The following ERMP1 variants were observed in gnomAD, a reference collection of about 807,000 sequenced individuals.
ERMP1 encodes the protein endoplasmic reticulum metallopeptidase 1, also known as Felix-ina.
Under a neutral mutation model 92.0 loss-of-function variants are expected in ERMP1, and 86 were observed. The ratio of observed to expected loss-of-function variants is 0.93; its 90% CI spans 0.79 to 1.12. The LOEUF (loss-of-function observed/expected upper bound fraction) is 1.12. Among genes scored for constraint, ERMP1 ranks in the 50% most tolerant of loss-of-function variants. ERMP1 has a pLI of 0.00. For missense variants in ERMP1, 1,342 were observed against 1,116.3 expected, an observed-to-expected ratio of 1.20 and a Z score of -2.88; for synonymous variants, 530 against 412.8, an observed-to-expected ratio of 1.28 and a Z score of -3.44.
chr9:5,835,965 G>C (rs1272515194), upstream of ERMP1, among the ~76,000 whole-genome samples: 1 of 152,226 alleles, frequency 6.6e-6, no homozygotes, highest in African/African-American at 2.4e-5. Context: ...ATGAGGAACA[G>C]ATAAATGTGA....
At chr9:5,822,329 C>G (rs1366550279) in intron 4 of ERMP1, among the ~76,000 whole-genome samples, 3 of 152,028 alleles carry the variant, frequency 2.0e-5, no homozygotes, top group Non-Finnish European at 4.4e-5. Flanking sequence ...ATATTAGATC[C>G]CAGCTTCTTC....
intron 6 of ERMP1, chr9:5,855,905 G>T (rs141934845): frequency 4.9e-6 from 1 of 204,848 alleles, no homozygotes; most frequent in South Asian, 8.9e-5. Context: ...ATAATTAAAT[G>T]ACTGGCTTTG....
intron 7 of ERMP1, 77 bp from the exon 8 acceptor site, chr9:5,810,308 G>A (rs1435581063): frequency 1.9e-6 from 2 of 1,061,766 alleles, no homozygotes; most frequent in African/African-American, 3.2e-5. Context: ...AGAGCTAAAT[G>A]GGCAAACATT....
At chr9:5,798,742 A>G in intron 12 of ERMP1, 64 bp downstream of exon 12, 1 of 980,678 alleles carries the variant, frequency 1.0e-6, no homozygotes. Flanking sequence ...AAATGATAAG[A>G]GTACTGATAT....
chr9:5,836,338 A>T (rs998896725), upstream of ERMP1, among the ~76,000 whole-genome samples: 7 of 152,214 alleles, frequency 4.6e-5, no homozygotes, highest in Admixed American at 2.0e-4. Context: ...GGCTCAGGCT[A>T]GCAGAAGGAT....
In ERMP1 at chr9:5,786,398, A is replaced by C. The variant is rs895330456; in HGVS notation, c.*746T>G. On this transcript the variant is annotated 3_prime_UTR_variant, in exon 15 of 15. Transcript: ENST00000339450. Reference sequence around the variant, plus strand: ...CGAAAACCAGAGGGGTATGTGGCCAAATATTCCCCTTTTCAACTTGGTAAG... The same window carrying C: ...CGAAAACCAGAGGGGTATGTGGCCACATATTCCCCTTTTCAACTTGGTAAG... 4 of 152,372 alleles carry C rather than the reference A, an allele frequency of 2.6e-5. No individual in the cohort carries two copies. Among genetic ancestry groups the C allele is most frequent in the African/African-American group, 9.6e-5 (4 of 41,572 alleles). The allele number at this position is 152,372 out of a possible 1,614,324, so 9.4% of individuals were successfully genotyped here.
In ERMP1 at chr9:5,787,571, A is replaced by C. The variant is rs749621216; in HGVS notation, c.2409T>G (p.Tyr803Ter). 6 of 1,613,622 alleles carry C rather than the reference A, an allele frequency of 3.7e-6. No homozygotes were observed. Among genetic ancestry groups the C allele is most frequent in the Non-Finnish European group, 4.2e-6 (5 of 1,179,792 alleles). ...GTGTTGACCCTTTGTGGGCTCGAACATAGAAGGACATATGGCTTGGTCCTG... is the reference window on the plus strand; with the variant it reads ...GTGTTGACCCTTTGTGGGCTCGAACCTAGAAGGACATATGGCTTGGTCCTG... ...EATGPSHMSF[Y>*]VRAHKGSTLS... Residue 803 changes from tyrosine to a stop codon, truncating the protein, a stop_gained, in exon 14 of 15, where the codon TAT (tyrosine) becomes TAG (stop). Coordinates refer to ENST00000339450, the MANE Select transcript of ERMP1 (RefSeq NM_024896.3). LOFTEE classifies it high-confidence loss of function.
chr9:5,801,399 CTTTATT>C, intron 10 of ERMP1, 71 bp from the exon 11 acceptor site: 4 of 1,497,410 alleles, frequency 2.7e-6, no homozygotes, highest in South Asian at 2.6e-5. Flanking sequence ...TTTTAACTAA[CTTTATT>C]TTTAACAGTA....
chr9:5,803,550 T>G (rs901645482), intron 10 of ERMP1, among the ~76,000 whole-genome samples: 3 of 152,238 alleles, frequency 2.0e-5, no homozygotes, highest in African/African-American at 7.2e-5. Context: ...TTTATGGACA[T>G]CCATAGCTCC....
rs752256490 is a variant in ERMP1, at chr9:5,832,902, C to T, written c.126G>A (p.Gly42=). 6.4e-7 allele frequency: 1 copy of T among 1,558,638 alleles called. No homozygotes were observed. The change falls in exon 1 of 15, where the codon GGG becomes GGA. Residue 42 remains glycine (G), a synonymous_variant. Transcript: ENST00000339450. ...TCCGCGTCCTCCCGCCGCCGCTGCA[C>T]CCATCCACCAGAGGCTCCTGCGCTC... ...EARAQEPLVD[G]CSGGGRTRKR...
intron 2 of ERMP1, among the ~76,000 whole-genome samples, chr9:5,830,436 C>G (rs902326889): frequency 2.0e-5 from 3 of 152,220 alleles, no homozygotes; most frequent in African/African-American, 7.2e-5. Flanking sequence ...GACACACACA[C>G]TGTCTGGTAA....
intron 6 of ERMP1, among the ~76,000 whole-genome samples, chr9:5,841,657 G>A (rs896655397): frequency 4.6e-5 from 7 of 152,140 alleles, no homozygotes; most frequent in African/African-American, 1.7e-4. Context: ...TGGGCATGGT[G>A]GCACGTGCCT....
chr9:5,856,223 C>A, intron 6 of ERMP1: 1 of 287,678 alleles, frequency 3.5e-6, no homozygotes. Flanking sequence ...ACCTGTTCTC[C>A]AACTCTGACA....
chr9:5,827,796 G>A (rs1031568852), intron 2 of ERMP1, among the ~76,000 whole-genome samples: 30 of 151,582 alleles, frequency 2.0e-4, no homozygotes, highest in African/African-American at 6.3e-4. Context: ...TGGCGTGGGC[G>A]AGAGCGAGAC....
upstream of ERMP1, among the ~76,000 whole-genome samples, chr9:5,838,109 A>G (rs1830115326): frequency 6.6e-6 from 1 of 151,928 alleles, no homozygotes; most frequent in Non-Finnish European, 1.5e-5. Context: ...AAAAAAAAAG[A>G]AAAAAGCTAT....
At chr9:5,846,655 G>A (rs941667531) in intron 6 of ERMP1, among the ~76,000 whole-genome samples, 2 of 152,140 alleles carry the variant, frequency 1.3e-5, no homozygotes, top group East Asian at 1.9e-4. Flanking sequence ...GGGTGTGAAG[G>A]GGAAGAGTTC....
At chr9:5,835,362 A>ACGCGCATG (rs573104413), upstream of ERMP1, among the ~76,000 whole-genome samples, 5 of 117,980 alleles carry the variant, frequency 4.2e-5, no homozygotes, top group African/African-American at 1.4e-4. Flanking sequence ...GCGCGCGCGC[A>ACGCGCATG]TGTGTGTGTG....
At chr9:5,843,535 T>G (rs569668726) in intron 6 of ERMP1, among the ~76,000 whole-genome samples, 9 of 152,128 alleles carry the variant, frequency 5.9e-5, no homozygotes, top group African/African-American at 1.4e-4. Flanking sequence ...ATCTCCAGAT[T>G]TGGGGGAAAG....
rs370310060 is a variant in ERMP1 at position 5,801,234 on chromosome 9, G to A, written c.2009C>T (p.Thr670Ile). ...AGGATTGGAGCTATATGGAAAAAAT[G>A]TTCCACTGCAAACAAGGAGGAATGT... Reference protein sequence around the residue: ...AITFLLVCSGTFFPYSSNPAN... With the variant: ...AITFLLVCSGIFFPYSSNPAN... Residue 670 changes from threonine (T) to isoleucine (I), a missense_variant, in exon 11 of 15, where the codon ACA (threonine) becomes ATA (isoleucine). By Grantham distance (89) the Thr-to-Ile change is moderately conservative. Transcript: ENST00000339450. 8.7e-6 allele frequency: 14 copies of A among 1,613,764 alleles called. No individual in the cohort carries two copies. Among genetic ancestry groups the A allele is most frequent in the Middle Eastern group, 1.6e-4 (1 of 6,084 alleles).
Sources: allele counts gnomAD v4.1 joint callset (sites outside exome capture counted in the v4.1 genomes callset), GRCh38; gene constraint gnomAD v4.1.1; transcripts MANE v1.5; gene names NCBI Gene and HGNC (gene_info 2026-07-23, HGNC 2026-07-21).